Variants in NOS1AP observed in about 807,000 individuals in gnomAD.
NOS1AP encodes the protein nitric oxide synthase 1 adaptor protein.
In NOS1AP, 21 loss-of-function variants were observed where a neutral mutation model predicts 56.2. That is an observed-to-expected ratio of 0.37 (90% CI 0.26 to 0.54). The LOEUF (loss-of-function observed/expected upper bound fraction) is 0.54, where lower values mean the gene tolerates loss of function less well. Among genes scored for constraint, NOS1AP ranks in the 20% least tolerant of loss-of-function variants. The pLI, the probability that NOS1AP is intolerant of heterozygous loss-of-function variation, is 0.84. For missense variants in NOS1AP, 522 were observed against 657.8 expected (o/e 0.79, Z 2.26); for synonymous variants, 270 against 274.6 (o/e 0.98, Z 0.17).
At chr1:162,191,626 G>A (rs537438596) in intron 2 of NOS1AP, among the ~76,000 whole-genome samples, 72 of 152,000 alleles carry the variant, frequency 4.7e-4, no homozygotes, top group Admixed American at 4.0e-3. Flanking sequence ...AATTCTTGCC[G>A]CGTTCTCCTA....
intron 2 of NOS1AP, among the ~76,000 whole-genome samples, chr1:162,229,902 C>A (rs897772319): frequency 1.3e-5 from 2 of 151,938 alleles, no homozygotes; most frequent in Non-Finnish European, 2.9e-5. Flanking sequence ...TCTTCAGCAA[C>A]TTTTTTCATT....
intron 1 of NOS1AP, among the ~76,000 whole-genome samples, chr1:162,137,876 C>A (rs1318955784): frequency 3.9e-5 from 6 of 152,046 alleles, no homozygotes; most frequent in Admixed American, 2.6e-4. Context: ...ACAGAGCAAC[C>A]TCCTTAACAG....
chr1:162,308,259 A>G (rs548717376), intron 4 of NOS1AP, among the ~76,000 whole-genome samples: 3 of 152,346 alleles, frequency 2.0e-5, no homozygotes, highest in African/African-American at 7.2e-5. Flanking sequence ...GTGCAGGGAA[A>G]ACAGAAAGCC....
At chr1:162,125,582 G>T (rs1192119723) in intron 1 of NOS1AP, among the ~76,000 whole-genome samples, 2 of 152,218 alleles carry the variant, frequency 1.3e-5, no homozygotes, top group Middle Eastern at 3.4e-3. Context: ...TTGGTTGGTT[G>T]TAAGTATTTG....
At chr1:162,171,376 A>G (rs1024916988) in intron 2 of NOS1AP, among the ~76,000 whole-genome samples, 1 of 151,924 alleles carries the variant, frequency 6.6e-6, no homozygotes, top group Non-Finnish European at 1.5e-5. Flanking sequence ...CCTTGCTGTT[A>G]TTGGAAAGGG....
intron 3 of NOS1AP, among the ~76,000 whole-genome samples, chr1:162,296,819 AT>A (rs1317139958): frequency 6.6e-6 from 1 of 152,236 alleles, no homozygotes; most frequent in African/African-American, 2.4e-5. Context: ...TGGAAGAAAC[AT>A]GAACTGGCGC....
chr1:162,364,713 G>T, intron 8 of NOS1AP: 1 of 985,714 alleles, frequency 1.0e-6, no homozygotes, highest in Middle Eastern at 5.2e-4. Context: ...GGTGGTCCTG[G>T]TAATATGTGG....
rs1410426440 is a variant in NOS1AP at position 162,367,511 on chromosome 1, G to A, written c.*44G>A. The A allele has an allele frequency of 4.6e-6, 7 of 1,507,674 alleles. No individual in the cohort carries two copies. The highest frequency in any genetic ancestry group is 5.3e-6 in the Non-Finnish European group (6 of 1,127,682). 93.4% of individuals were successfully genotyped at this position (1,507,674 alleles called of 1,614,324 possible). ...TGGAGGCGGCGGCGTGGCTGGAGGGGCCGTGTCTGGCTGCTGCCCGGGTAG... is the reference window on the plus strand; with the variant it reads ...TGGAGGCGGCGGCGTGGCTGGAGGGACCGTGTCTGGCTGCTGCCCGGGTAG... On this transcript the variant is annotated 3_prime_UTR_variant, in exon 10 of 10. Transcript: ENST00000361897. This position sits in a 1 kb window ranked among gnomAD's most constrained non-coding sequence, Gnocchi z 6.5.
chr1:162,367,014 T>C lies in NOS1AP; in HGVS notation c.1106-38T>C. 1 of 1,613,164 alleles carries C rather than the reference T, an allele frequency of 6.2e-7. No homozygotes were observed. Among genetic ancestry groups the C allele is most frequent in the Non-Finnish European group, 8.5e-7 (1 of 1,179,660 alleles). On this transcript the variant is annotated intron_variant, in intron 9 of 9. Coordinates refer to ENST00000361897, the MANE Select transcript of NOS1AP (RefSeq NM_014697.3). This position sits in a 1 kb window ranked among gnomAD's most constrained non-coding sequence, Gnocchi z 6.5. Reference sequence around the variant, plus strand: ...GGCATCCCAAATCAACAACCTTGCCTAACGCTGCCCCTCTGCTACCTCTTG... The same window carrying C: ...GGCATCCCAAATCAACAACCTTGCCCAACGCTGCCCCTCTGCTACCTCTTG...
At chr1:162,315,076 G>A (rs377341543) in intron 4 of NOS1AP, among the ~76,000 whole-genome samples, 40 of 152,318 alleles carry the variant, frequency 2.6e-4, no homozygotes, top group Admixed American at 1.2e-3. Context: ...AAGAGGATTC[G>A]CTTAGGAGGG....
rs552644347 is a variant in NOS1AP, at chr1:162,300,060, G to A, written c.271-573G>A. 1.7e-4 allele frequency among the ~76,000 whole-genome samples: 26 copies of A among 152,270 alleles called. No individual in the cohort carries two copies. The South Asian group carries it at 4.8e-3, about 28-fold the overall frequency. ...TGTTCTTCCCTAATTTCCCTGGACAGCAAAGTCTCTCTGACAAAGGCGGAT... is the reference window on the plus strand; with the variant it reads ...TGTTCTTCCCTAATTTCCCTGGACAACAAAGTCTCTCTGACAAAGGCGGAT... On this transcript the variant is annotated intron_variant, in intron 3 of 9. Transcript: ENST00000361897.
chr1:162,089,120 C>A (rs1373975115), intron 1 of NOS1AP, among the ~76,000 whole-genome samples: 4 of 152,044 alleles, frequency 2.6e-5, no homozygotes, highest in African/African-American at 9.7e-5. Flanking sequence ...ATTGAGTTGG[C>A]CATTGTCTGT....
chr1:162,166,139 C>A (rs932687655), intron 2 of NOS1AP, among the ~76,000 whole-genome samples: 3 of 152,198 alleles, frequency 2.0e-5, no homozygotes, highest in Admixed American at 2.0e-4. Flanking sequence ...ACCAGTGCAG[C>A]CCCAGACTGT....
At chr1:162,099,980 G>C (rs1281564134) in intron 1 of NOS1AP, among the ~76,000 whole-genome samples, 4 of 151,442 alleles carry the variant, frequency 2.6e-5, no homozygotes, top group Non-Finnish European at 5.9e-5. Context: ...TTTTATGGCT[G>C]CATAGTATTC....
Position 162,188,415 on chromosome 1 carries a change from C to T in NOS1AP, c.177+33939C>T, listed in dbSNP as rs1651510690. Among the ~76,000 whole-genome samples, 1 of 152,108 alleles carries T rather than the reference C, an allele frequency of 6.6e-6. No individual in the cohort carries two copies. Among genetic ancestry groups the T allele is most frequent in the Admixed American group, 6.5e-5 (1 of 15,268 alleles). On this transcript the variant is annotated intron_variant, in intron 2 of 9. Transcript: ENST00000361897. The surrounding 1 kb of genome is among the most constrained non-coding windows in gnomAD (Gnocchi z 4.0). ...CCATTTCCATAATGCTTGATTAATGCTCTGTTGTTAATATCTTATAAGACC... is the reference window on the plus strand; with the variant it reads ...CCATTTCCATAATGCTTGATTAATGTTCTGTTGTTAATATCTTATAAGACC...
chr1:162,332,825 G>A (rs903200835), intron 4 of NOS1AP, among the ~76,000 whole-genome samples, 192 bp from the exon 5 acceptor site: 2 of 152,198 alleles, frequency 1.3e-5, no homozygotes, highest in African/African-American at 4.8e-5. Context: ...GAAAGTCACA[G>A]TGTTAGTGTT....
At chr1:162,301,189 C>T (rs1468231239) in intron 4 of NOS1AP, among the ~76,000 whole-genome samples, 1 of 152,084 alleles carries the variant, frequency 6.6e-6, no homozygotes, top group Admixed American at 6.6e-5. Flanking sequence ...TTTGTCTCCC[C>T]AAAATTTGTA....
chr1:162,071,110 C>G (rs1015324377), intron 1 of NOS1AP, among the ~76,000 whole-genome samples: 1 of 152,068 alleles, frequency 6.6e-6, no homozygotes, highest in Non-Finnish European at 1.5e-5. Flanking sequence ...TTCCCACTGC[C>G]CATCAGCAGG....
rs138378467 is a variant in NOS1AP, at chr1:162,365,060, G to A, written c.940-344G>A. 1,099 of 1,201,120 alleles carry A rather than the reference G, an allele frequency of 9.1e-4. 1 individual carries two copies. Among genetic ancestry groups the A allele is most frequent in the Admixed American group, 2.1e-3 (52 of 25,022 alleles). The allele number at this position is 1,201,120 out of a possible 1,614,324, so 74.4% of individuals were successfully genotyped here. A position where few individuals can be genotyped will look rare whatever the true frequency, so the allele number is the denominator to read the frequency against. ...TCTAAGCAGGGATGGAGCACCGTGC[G>A]TGTGTGTGTGTATATGTGCACGTGT... is the stretch of plus-strand genomic sequence containing the variant. On this transcript the variant is annotated intron_variant, in intron 8 of 9. Coordinates refer to ENST00000361897, the MANE Select transcript of NOS1AP (RefSeq NM_014697.3).
Sources: gnomAD v4.1 joint callset for allele counts (sites outside exome capture counted in the v4.1 genomes callset) on GRCh38, gnomAD v4.1.1 for gene constraint, Gnocchi (gnomAD v3.1) non-coding constraint, MANE v1.5 for transcripts, NCBI Gene and HGNC (gene_info 2026-07-23, HGNC 2026-07-21) for gene names.